Variants in NRP2 observed in about 807,000 individuals in gnomAD.
NRP2 encodes the protein neuropilin-2.
Under a neutral mutation model 110.4 loss-of-function variants are expected in NRP2, and 52 were observed. The observed-to-expected ratio is 0.47, with a 90% CI of 0.38 to 0.59. NRP2 has a LOEUF of 0.59. Ranked by LOEUF, NRP2 falls within the 20% of genes least tolerant of loss-of-function variation. NRP2 has a pLI of 0.00. For synonymous variants in NRP2, 508 were observed against 468.9 expected (o/e 1.08, Z -1.08); for missense variants, 1,049 against 1,203.0 (o/e 0.87, Z 1.89).
In NRP2 at chr2:205,763,249, CT is replaced by C. The variant is rs1406635071; in HGVS notation, c.2045-424del. On this transcript the variant is annotated intron_variant, in intron 12 of 16. Transcript: ENST00000357785. The surrounding 1 kb of genome is among the most constrained non-coding windows in gnomAD (Gnocchi z 4.0). ...CTCCAATCTAGCAGCCCCCCACCCC[CT>C]ATAATCTGTCCCCTTGTAATTCAGT... 6.6e-6 allele frequency among the ~76,000 whole-genome samples: 1 copy of C among 152,116 alleles called. No homozygotes were observed. The highest frequency in any genetic ancestry group is 2.4e-5 in the African/African-American group (1 of 41,396).
intron 15 of NRP2, chr2:205,776,315 G>A (rs769753175): frequency 1.9e-6 from 3 of 1,613,072 alleles, no homozygotes; most frequent in Non-Finnish European, 8.5e-7. Context: ...CCAGCCTACT[G>A]GTATTACGTA....
intron 15 of NRP2, among the ~76,000 whole-genome samples, chr2:205,788,201 G>A (rs2058257162): frequency 6.6e-6 from 1 of 152,172 alleles, no homozygotes; most frequent in Non-Finnish European, 1.5e-5. Flanking sequence ...AAGGGACACT[G>A]ACCAAAATAA....
intron 2 of NRP2, among the ~76,000 whole-genome samples, chr2:205,704,021 T>C (rs1021339365): frequency 4.6e-5 from 7 of 152,190 alleles, no homozygotes; most frequent in African/African-American, 1.4e-4. Flanking sequence ...GGGGACTCTC[T>C]GCTGTCCCCA....
intron 1 of NRP2, among the ~76,000 whole-genome samples, chr2:205,690,264 G>T (rs546748730): frequency 6.6e-6 from 1 of 152,304 alleles, no homozygotes; most frequent in East Asian, 1.9e-4. Flanking sequence ...GTTGAGTAAA[G>T]AGAGGTTTGC....
intron 2 of NRP2, chr2:205,698,042 TA>T (rs1170296834): frequency 1.5e-5 from 6 of 398,458 alleles, no homozygotes; most frequent in Non-Finnish European, 2.4e-5. Flanking sequence ...GACTTTGGGT[TA>T]CCTTGCACTT....
intron 14 of NRP2, among the ~76,000 whole-genome samples, chr2:205,766,556 C>T (rs2057921613): frequency 6.6e-6 from 1 of 152,066 alleles, no homozygotes; most frequent in African/African-American, 2.4e-5. Flanking sequence ...CTTTTTGTTC[C>T]AAAGCAACTT....
intron 15 of NRP2, among the ~76,000 whole-genome samples, chr2:205,782,760 C>A (rs1215054415): frequency 6.6e-6 from 1 of 152,096 alleles, no homozygotes; most frequent in Admixed American, 6.5e-5. Context: ...GCATCTACCC[C>A]ATCCTTTATA....
chr2:205,748,865 C>T (rs773694136), intron 10 of NRP2, among the ~76,000 whole-genome samples: 3 of 152,170 alleles, frequency 2.0e-5, no homozygotes, highest in East Asian at 3.8e-4. Flanking sequence ...GAATGAATGA[C>T]GGGCATGAGC....
At chr2:205,764,003 C>T in intron 13 of NRP2, 67 bp downstream of exon 13, 1 of 1,587,246 alleles carries the variant, frequency 6.3e-7, no homozygotes, top group Non-Finnish European at 8.6e-7. Context: ...GCCCATTCAT[C>T]GTTAGGGAAC....
In NRP2 at chr2:205,743,442, A is replaced by C. The variant is rs1321349408; in HGVS notation, c.1531A>C (p.Ser511Arg). ...VIIQGARGGDSITAVEARAFV... is the reference protein window; with the variant it reads ...VIIQGARGGDRITAVEARAFV... ...CATCCAGGGAGCCCGCGGAGGAGAC[A>C]GTATCACTGCTGTGGAAGCCAGAGC... Residue 511 changes from serine (S) to arginine (R), a missense_variant, in exon 9 of 17, where the codon AGT becomes CGT. Transcript: ENST00000357785. 2 of 1,614,126 alleles carry C rather than the reference A, an allele frequency of 1.2e-6. No individual in the cohort carries two copies. Among genetic ancestry groups the C allele is most frequent in the East Asian group, 4.5e-5 (2 of 44,892 alleles).
intron 7 of NRP2, among the ~76,000 whole-genome samples, chr2:205,738,914 T>C (rs921688276): frequency 2.0e-5 from 3 of 152,176 alleles, no homozygotes; most frequent in Non-Finnish European, 2.9e-5. Context: ...CTTCCCTTCA[T>C]TTACTTGCAA....
chr2:205,737,698 A>G (rs762140806), intron 7 of NRP2, among the ~76,000 whole-genome samples: 4 of 152,232 alleles, frequency 2.6e-5, no homozygotes, highest in Non-Finnish European at 5.9e-5. Flanking sequence ...ATTTGAAGCT[A>G]AGTTGAAAAG....
intron 12 of NRP2, among the ~76,000 whole-genome samples, chr2:205,755,893 G>A (rs1360618805): frequency 6.6e-6 from 1 of 152,206 alleles, no homozygotes; most frequent in African/African-American, 2.4e-5. Context: ...TCAGGGTGAA[G>A]AGAAAGGTGG....
chr2:205,711,474 C>T (rs966917480), intron 2 of NRP2, among the ~76,000 whole-genome samples: 4 of 152,060 alleles, frequency 2.6e-5, no homozygotes, highest in African/African-American at 9.7e-5. Context: ...GTCCTTAAGC[C>T]TGAAGGATGA....
chr2:205,725,765 T>C lies in NRP2; in HGVS notation c.821-148T>C, dbSNP rs1019965110. On this transcript the variant is annotated intron_variant, in intron 5 of 16. Transcript: ENST00000357785. The surrounding 1 kb of genome is among the most constrained non-coding windows in gnomAD (Gnocchi z 4.1). ...TGTCAAGCTCCATGACTTGATGTAG[T>C]TGTTTTTAAAATGTGAGCATATAAT... is the stretch of plus-strand genomic sequence containing the variant. 1.3e-6 allele frequency: 1 copy of C among 792,908 alleles called. No individual in the cohort carries two copies. Among genetic ancestry groups the C allele is most frequent in the African/African-American group, 1.7e-5 (1 of 58,960 alleles). 49.1% of individuals were successfully genotyped at this position (792,908 alleles called of 1,614,324 possible). A position where few individuals can be genotyped will look rare whatever the true frequency, so the allele number is the denominator to read the frequency against.
At chr2:205,769,368 G>T (rs2057980128) in intron 15 of NRP2, among the ~76,000 whole-genome samples, 2 of 152,110 alleles carry the variant, frequency 1.3e-5, no homozygotes, top group Non-Finnish European at 1.5e-5. Flanking sequence ...TTTGGACCTG[G>T]AGTTATTAGA....
intron 8 of NRP2, among the ~76,000 whole-genome samples, chr2:205,741,386 G>C (rs2105868572): frequency 6.6e-6 from 1 of 152,250 alleles, no homozygotes; most frequent in African/African-American, 2.4e-5. Context: ...AGGGAGGGAA[G>C]GTGCACCAGG....
chr2:205,694,558 G>T (rs1039735931), intron 1 of NRP2, among the ~76,000 whole-genome samples: 5 of 152,182 alleles, frequency 3.3e-5, no homozygotes, highest in African/African-American at 1.2e-4. Context: ...CTCAAACAGG[G>T]TCAATTTCCC....
intron 15 of NRP2, among the ~76,000 whole-genome samples, chr2:205,782,305 G>A (rs2058183552): frequency 6.6e-6 from 1 of 152,126 alleles, no homozygotes; most frequent in African/African-American, 2.4e-5. Context: ...CAACAACAGA[G>A]GTACTTGAGG....
Sources: allele counts gnomAD v4.1 joint callset (sites outside exome capture counted in the v4.1 genomes callset), GRCh38; gene constraint gnomAD v4.1.1; non-coding constraint Gnocchi (gnomAD v3.1); transcripts MANE v1.5; gene names NCBI Gene and HGNC (gene_info 2026-07-23, HGNC 2026-07-21).